Variants in MYO5B observed in about 807,000 individuals in gnomAD.
The protein encoded by MYO5B is myosin VB, also known as unconventional myosin-Vb.
In MYO5B, 143 loss-of-function variants were observed where a neutral mutation model predicts 229.3. The ratio of observed to expected loss-of-function variants is 0.62; its 90% CI spans 0.54 to 0.72. The LOEUF is 0.72. Ranked by LOEUF, MYO5B falls within the 30% of genes least tolerant of loss-of-function variation. The pLI, the probability that MYO5B is intolerant of heterozygous loss-of-function variation, is 0.00. For synonymous variants in MYO5B, 918 were observed against 885.2 expected (o/e 1.04, Z -0.66); for missense variants, 2,321 against 2,331.0 (o/e 1.00, Z 0.09).
intron 2 of MYO5B, among the ~76,000 whole-genome samples, chr18:50,043,405 A>AATATTTAAATATATTTAAAT (rs2030102695): frequency 8.1e-5 from 4 of 49,648 alleles, no homozygotes; most frequent in Admixed American, 7.3e-4. Context: ...AAATATATTA[A>AATATTTAAATATATTTAAAT]ATATTAAATA....
intron 18 of MYO5B, among the ~76,000 whole-genome samples, chr18:49,907,694 A>G (rs995863502): frequency 6.6e-6 from 1 of 152,278 alleles, no homozygotes; most frequent in Non-Finnish European, 1.5e-5. Flanking sequence ...GTTAAGCCCT[A>G]TTGGGTTACT....
At chr18:49,963,411 A>ATTTATTT (rs1555647593) in intron 10 of MYO5B, among the ~76,000 whole-genome samples, 8 of 148,476 alleles carry the variant, frequency 5.4e-5, no homozygotes, top group African/African-American at 2.1e-4. Flanking sequence ...TTAATTAATT[A>ATTTATTT]ATTAATTTAT....
At chr18:49,902,314 G>T (rs183928843) in intron 21 of MYO5B, among the ~76,000 whole-genome samples, 131 of 152,120 alleles carry the variant, frequency 8.6e-4, no homozygotes, top group Admixed American at 2.8e-3. Flanking sequence ...AGCTCACCTG[G>T]CTCACCCAGG....
chr18:49,879,307 A>T, intron 23 of MYO5B: 3 of 590,072 alleles, frequency 5.1e-6, no homozygotes, highest in Non-Finnish European at 9.0e-6. Context: ...CCCTGCTCTC[A>T]GGGAATGGGG....
intron 16 of MYO5B, among the ~76,000 whole-genome samples, chr18:49,931,822 C>T (rs80331916): frequency 3.9e-5 from 6 of 152,310 alleles, no homozygotes; most frequent in East Asian, 3.9e-4. Context: ...GAAGGCAGAG[C>T]GGACACCCCT....
In MYO5B at chr18:49,877,704, A is replaced by G. The variant is rs994762315; in HGVS notation, c.3396+59T>C. 9.9e-6 allele frequency: 16 copies of G among 1,610,890 alleles called. No individual in the cohort carries two copies. In the Admixed American group the frequency reaches 2.5e-4, roughly 25 times the overall value. On this transcript the variant is annotated intron_variant, in intron 25 of 39. Coordinates refer to ENST00000285039, the MANE Select transcript of MYO5B (RefSeq NM_001080467.3). Reference sequence around the variant, plus strand: ...AAATTTCTCTTGGACAGTTCCACACAGAAAAAAACACACACTCCCTCTGGA... The same window carrying G: ...AAATTTCTCTTGGACAGTTCCACACGGAAAAAAACACACACTCCCTCTGGA...
At chr18:50,180,526 G>A (rs959687593) in intron 1 of MYO5B, among the ~76,000 whole-genome samples, 1 of 152,104 alleles carries the variant, frequency 6.6e-6, no homozygotes, top group Non-Finnish European at 1.5e-5. Flanking sequence ...CGCTCCCCGA[G>A]TTTAGTTTTT....
intron 1 of MYO5B, among the ~76,000 whole-genome samples, chr18:50,186,989 A>G (rs962773238): frequency 6.6e-6 from 1 of 152,200 alleles, no homozygotes; most frequent in African/African-American, 2.4e-5. Context: ...CATCATTTGC[A>G]AGAACCCCAG....
Position 49,936,369 on chromosome 18 carries a change from T to C in MYO5B, c.1906-20A>G. 2.6e-6 allele frequency: 4 copies of C among 1,553,700 alleles called. No homozygotes were observed. Among genetic ancestry groups the C allele is most frequent in the Non-Finnish European group, 3.5e-6 (4 of 1,139,178 alleles). ...ACGGAACTAGAGAGACAAAAGCCAG[T>C]GCTTGGTTAGTTTTAACAAGTCGTG... On this transcript the variant is annotated intron_variant, in intron 15 of 39. Transcript: ENST00000285039.
intron 17 of MYO5B, among the ~76,000 whole-genome samples, chr18:49,921,994 C>T (rs774179324): frequency 6.6e-6 from 1 of 152,150 alleles, no homozygotes; most frequent in South Asian, 2.1e-4. Flanking sequence ...ACTTGACAAG[C>T]TAATATGAGC....
At chr18:49,979,947 C>T (rs979925765) in intron 9 of MYO5B, among the ~76,000 whole-genome samples, 3 of 152,206 alleles carry the variant, frequency 2.0e-5, no homozygotes, top group African/African-American at 7.2e-5. Context: ...CTTCACGGAG[C>T]ACTTGACAGC....
At chr18:50,060,402 C>G (rs1038165297) in intron 1 of MYO5B, among the ~76,000 whole-genome samples, 4 of 152,160 alleles carry the variant, frequency 2.6e-5, no homozygotes, top group Admixed American at 6.5e-5. Flanking sequence ...TCAAACAAAT[C>G]TGACCACTAC....
chr18:50,069,608 A>G (rs1445961716), intron 1 of MYO5B, among the ~76,000 whole-genome samples: 3 of 152,196 alleles, frequency 2.0e-5, no homozygotes, highest in Non-Finnish European at 2.9e-5. Flanking sequence ...AGCACTGTTT[A>G]GAGAGTAATT....
chr18:50,133,134 T>C (rs1403558878), intron 1 of MYO5B, among the ~76,000 whole-genome samples: 1 of 152,190 alleles, frequency 6.6e-6, no homozygotes, highest in Non-Finnish European at 1.5e-5. Context: ...AAAATATCAA[T>C]GAGGAGGAGT....
intron 19 of MYO5B, 122 bp downstream of exon 19, chr18:49,906,297 A>T: frequency 1.0e-6 from 1 of 959,260 alleles, no homozygotes; most frequent in Non-Finnish European, 1.6e-6. Context: ...CAAGATGCAG[A>T]CATGGCCCCA....
intron 4 of MYO5B, among the ~76,000 whole-genome samples, chr18:50,019,668 G>T (rs938601199): frequency 2.0e-5 from 3 of 152,166 alleles, no homozygotes; most frequent in Non-Finnish European, 4.4e-5. Context: ...GTCTAATACT[G>T]GCCCAGGGAT....
chr18:50,101,795 G>A (rs1441468036), intron 1 of MYO5B, among the ~76,000 whole-genome samples: 1 of 152,192 alleles, frequency 6.6e-6, no homozygotes, highest in African/African-American at 2.4e-5. Flanking sequence ...TGATGGGAAT[G>A]TAAATTAGTT....
chr18:50,146,374 C>CA (rs1359438598), intron 1 of MYO5B, among the ~76,000 whole-genome samples: 1 of 152,238 alleles, frequency 6.6e-6, no homozygotes, highest in Non-Finnish European at 1.5e-5. Flanking sequence ...ATTGTGGCTA[C>CA]AGGCAAGCAA....
chr18:49,862,544 G>C (rs1329273538), intron 29 of MYO5B, among the ~76,000 whole-genome samples: 1 of 152,186 alleles, frequency 6.6e-6, no homozygotes, highest in Non-Finnish European at 1.5e-5. Context: ...AAACCGTGAG[G>C]AGTGGACTCT....
Sources: gnomAD v4.1 joint callset for allele counts (sites outside exome capture counted in the v4.1 genomes callset) on GRCh38, gnomAD v4.1.1 for gene constraint, MANE v1.5 for transcripts, NCBI Gene and HGNC (gene_info 2026-07-23, HGNC 2026-07-21) for gene names.